HMCN1: variants seen among roughly 807,000 people sequenced by gnomAD.
The protein encoded by HMCN1 is hemicentin 1.
A neutral mutation model predicts 625.9 loss-of-function variants in HMCN1; 321 were observed. That is an observed-to-expected ratio of 0.51 (90% CI 0.47 to 0.56). The LOEUF is 0.56. Ranked by LOEUF, HMCN1 falls within the 20% of genes least tolerant of loss-of-function variation. The pLI is 0.00. For missense variants in HMCN1, 6,588 were observed against 6,887.3 expected, an observed-to-expected ratio of 0.96 and a Z score of 1.54; for synonymous variants, 2,425 against 2,417.6, an observed-to-expected ratio of 1.00 and a Z score of -0.09.
chr1:185,810,775 A>T (rs1659467898), intron 1 of HMCN1, among the ~76,000 whole-genome samples: 1 of 152,146 alleles, frequency 6.6e-6, no homozygotes, highest in South Asian at 2.1e-4. Context: ...TAAAAGTTGT[A>T]TAAAAATGTT....
intron 94 of HMCN1, 108 bp downstream of exon 94, chr1:186,151,457 A>G (rs1464230708): frequency 6.0e-5 from 78 of 1,308,084 alleles, no homozygotes; most frequent in Non-Finnish European, 8.1e-5. Flanking sequence ...AAGTATGGTA[A>G]GCTTTTAAAC....
At chr1:185,883,067 C>T (rs73054465) in intron 4 of HMCN1, among the ~76,000 whole-genome samples, 10,841 of 151,974 alleles carry the variant, frequency 0.071, 1,342 homozygotes, top group African/African-American at 0.25. Context: ...CCTAAAGTAA[C>T]GTTCAATTAC....
Position 185,815,474 on chromosome 1 carries a change from C to T in HMCN1, c.269-30552C>T, listed in dbSNP as rs1659786836. Among the ~76,000 whole-genome samples the T allele has an allele frequency of 1.3e-5, 2 of 150,040 alleles. 1 individual carries two copies. The highest frequency in any genetic ancestry group is 5.1e-5 in the African/African-American group (2 of 39,462). ...CTCATCCATGCTGCCTATAAATGTA[C>T]TTAAACATAGGATGTACTCCAGGAA... On this transcript the variant is annotated intron_variant, in intron 1 of 106. Transcript: ENST00000271588.
At position 185,963,454 on chromosome 1, in the gene HMCN1, T is replaced by C. The variant is rs144673242; in HGVS notation, c.1971-314T>C. ...ACTAACTCTGGCTTTGGGTGAGTTA[T>C]GTAACCTCTTTGCTCACCTGTAAAA... On this transcript the variant is annotated intron_variant, in intron 12 of 106. Coordinates refer to ENST00000271588, the MANE Select transcript of HMCN1 (RefSeq NM_031935.3). Among the ~76,000 whole-genome samples, 498 of 152,258 alleles carry C rather than the reference T, an allele frequency of 3.3e-3. 5 individuals carry two copies. Among genetic ancestry groups the C allele is most frequent in the African/African-American group, 0.012 (480 of 41,552 alleles).
At chr1:185,761,365 G>A (rs1198346554) in intron 1 of HMCN1, among the ~76,000 whole-genome samples, 1 of 152,098 alleles carries the variant, frequency 6.6e-6, no homozygotes, top group African/African-American at 2.4e-5. Flanking sequence ...CTTATTAATA[G>A]TCAAATATCT....
At chr1:186,107,096 T>C (rs1660644807) in intron 70 of HMCN1, 131 bp downstream of exon 70, 1 of 704,960 alleles carries the variant, frequency 1.4e-6, no homozygotes, top group African/African-American at 1.8e-5. Flanking sequence ...CTGAATCTTT[T>C]TTTTTTTGAG....
At chr1:185,834,507 A>C (rs1395047914) in intron 1 of HMCN1, among the ~76,000 whole-genome samples, 1 of 152,202 alleles carries the variant, frequency 6.6e-6, no homozygotes, top group African/African-American at 2.4e-5. Context: ...CCATAGGGTA[A>C]CAGGGTAGCT....
chr1:186,034,464 G>T (rs570182231), intron 36 of HMCN1, among the ~76,000 whole-genome samples: 2 of 152,258 alleles, frequency 1.3e-5, no homozygotes, highest in South Asian at 2.1e-4. Context: ...CTGGGGAAAA[G>T]GTTTGCACTG....
At chr1:186,045,349 T>C (rs2102250295) in intron 40 of HMCN1, among the ~76,000 whole-genome samples, 1 of 152,302 alleles carries the variant, frequency 6.6e-6, no homozygotes, top group Non-Finnish European at 1.5e-5. Flanking sequence ...TCTTAGCTTA[T>C]TATTGTTTCT....
In HMCN1 at chr1:185,874,050, T is replaced by C. The variant is rs886442040; in HGVS notation, c.621+8187T>C. Among the ~76,000 whole-genome samples, 8 of 152,012 alleles carry C rather than the reference T, an allele frequency of 5.3e-5. No individual in the cohort carries two copies. The East Asian group carries it at 1.5e-3, about 29-fold the overall frequency. On this transcript the variant is annotated intron_variant, in intron 4 of 106. Coordinates refer to ENST00000271588, the MANE Select transcript of HMCN1 (RefSeq NM_031935.3). ...AAGAAATAATTGTATCAATTAAAGATAATTTAAACCTTTGGAAAAAACATA... is the reference window on the plus strand; with the variant it reads ...AAGAAATAATTGTATCAATTAAAGACAATTTAAACCTTTGGAAAAAACATA...
chr1:185,998,135 C>T (rs977103438), intron 25 of HMCN1, among the ~76,000 whole-genome samples: 2 of 152,110 alleles, frequency 1.3e-5, no homozygotes, highest in African/African-American at 4.8e-5. Flanking sequence ...CCTAACTCTG[C>T]CAAGTAGGTA....
At position 186,153,508 on chromosome 1, in the gene HMCN1, TTATTTTTC is replaced by T. The variant is rs1165069148; in HGVS notation, c.15019-239_15019-232del. 1.1e-3 allele frequency among the ~76,000 whole-genome samples: 167 copies of T among 152,094 alleles called. 2 individuals carry two copies. The highest frequency in any genetic ancestry group is 5.6e-3 in the East Asian group (29 of 5,184). Reference sequence around the variant, plus strand: ...AGAAAGTTGCTTAATTTCTACAAACTTATTTTTCTAGTCTGCAAACTATGGCAATTTAA... The same window carrying T: ...AGAAAGTTGCTTAATTTCTACAAACTTAGTCTGCAAACTATGGCAATTTAA... On this transcript the variant is annotated intron_variant, in intron 96 of 106. Transcript: ENST00000271588.
chr1:186,026,933 C>A (rs757377847), intron 36 of HMCN1, among the ~76,000 whole-genome samples: 2 of 152,082 alleles, frequency 1.3e-5, no homozygotes, highest in Non-Finnish European at 2.9e-5. Context: ...CCATGCCCAG[C>A]CCAGGTTTTT....
chr1:185,836,297 T>C (rs1661170872), intron 1 of HMCN1, among the ~76,000 whole-genome samples: 1 of 152,174 alleles, frequency 6.6e-6, no homozygotes, highest in South Asian at 2.1e-4. Flanking sequence ...GTTGAAAATT[T>C]TGAAAAATAG....
At position 185,909,367 on chromosome 1, in the gene HMCN1, G is replaced by T; in HGVS notation, c.652G>T (p.Ala218Ser). Residue 218 changes from alanine to serine, a missense_variant, in exon 5 of 107, where the codon GCC becomes TCC. Coordinates refer to ENST00000271588, the MANE Select transcript of HMCN1 (RefSeq NM_031935.3). The stretch of plus-strand genomic sequence containing the variant: ...AAAATGGGTAGAAGAAGCAGTACAG[G>T]CCTCCAAAGTTCACCTTTTATCCAC... Reference protein sequence around the residue: ...VLKWVEEAVQASKVHLLSTDH... With the variant: ...VLKWVEEAVQSSKVHLLSTDH... 6.2e-7 allele frequency: 1 copy of T among 1,612,834 alleles called. No individual in the cohort carries two copies. The highest frequency in any genetic ancestry group is 8.5e-7 in the Non-Finnish European group (1 of 1,179,038).
At chr1:186,008,605 C>T (rs1653790589) in intron 30 of HMCN1, among the ~76,000 whole-genome samples, 1 of 152,052 alleles carries the variant, frequency 6.6e-6, no homozygotes, top group Non-Finnish European at 1.5e-5. Flanking sequence ...CAACCACTGC[C>T]ACTGACTAGC....
Position 186,145,528 on chromosome 1 carries a change from G to C in HMCN1, c.14392G>C (p.Gly4798Arg), listed in dbSNP as rs940658640. Residue 4798 changes from glycine (G) to arginine (R), a missense_variant, in exon 92 of 107, where the codon GGA (glycine) becomes CGA (arginine). By Grantham distance (125) the Gly-to-Arg change is moderately radical. This residue lies in a region of HMCN1 where 1,954 missense variants were observed against 2,013.1 expected (regional missense o/e 0.97). Transcript: ENST00000271588. Reference sequence around the variant, plus strand: ...CTCCAATGGGGGAAGAGCTTGTGGGGGACCAGACTCCCAGATCCAGAGGTG... The same window carrying C: ...CTCCAATGGGGGAAGAGCTTGTGGGCGACCAGACTCCCAGATCCAGAGGTG... ...PPSNGGRACGGPDSQIQRCNT... is the reference protein window; with the variant it reads ...PPSNGGRACGRPDSQIQRCNT... 1 of 1,613,946 alleles carries C rather than the reference G, an allele frequency of 6.2e-7. No homozygotes were observed.
chr1:186,114,002 C>A lies in HMCN1; in HGVS notation c.11155C>A (p.Pro3719Thr). The A allele has an allele frequency of 6.2e-7, 1 of 1,614,092 alleles. No homozygotes were observed. Among genetic ancestry groups the A allele is most frequent in the Non-Finnish European group, 8.5e-7 (1 of 1,180,006 alleles). ...VNVPPNIKGG[P>T]QSLVILLNKS... ...AGTTCCTCCAAACATAAAGGGGGGC[C>A]CCCAGAGCCTTGTAATTCTTTTAAA... is the stretch of plus-strand genomic sequence containing the variant. The change falls in exon 73 of 107, where the codon CCC becomes ACC. Residue 3719 changes from proline (P) to threonine (T), a missense_variant. Physicochemically the swap from Pro to Thr is conservative, Grantham distance 38. Coordinates refer to ENST00000271588, the MANE Select transcript of HMCN1 (RefSeq NM_031935.3).
At chr1:186,160,300 T>G (rs1293399264) in intron 97 of HMCN1, among the ~76,000 whole-genome samples, 3 of 147,830 alleles carry the variant, frequency 2.0e-5, no homozygotes, top group African/African-American at 2.5e-5. Flanking sequence ...GTCTATTTGA[T>G]TCTTCTCTCT....
Sources: gnomAD v4.1 joint callset for allele counts (sites outside exome capture counted in the v4.1 genomes callset) on GRCh38, gnomAD v4.1.1 for gene constraint, gnomAD v4.1.1 regional missense constraint, MANE v1.5 for transcripts, NCBI Gene and HGNC (gene_info 2026-07-23, HGNC 2026-07-21) for gene names.